SMCO4: variants seen among roughly 807,000 people sequenced by gnomAD.
The protein encoded by SMCO4 is single-pass membrane protein with coiled-coil domains 4, also known as single-pass membrane and coiled-coil domain-containing protein 4.
SMCO4 carries 4 observed loss-of-function variants against 3.6 expected under a neutral mutation model. That is an observed-to-expected ratio of 1.11 (90% confidence interval 0.54 to 2.53). The LOEUF (loss-of-function observed/expected upper bound fraction) is 2.53, where lower values mean the gene tolerates loss of function less well. Ranked by LOEUF, SMCO4 falls within the 30% of genes most tolerant of loss-of-function variation. SMCO4 has a pLI of 0.02. For synonymous variants in SMCO4, 36 were observed against 35.3 expected (o/e 1.02, Z -0.07); for missense variants, 70 against 80.8 (o/e 0.87, Z 0.51).
At chr11:93,522,187 A>G (rs1373032751) in intron 1 of SMCO4, among the ~76,000 whole-genome samples, 3 of 152,176 alleles carry the variant, frequency 2.0e-5, no homozygotes, top group Non-Finnish European at 2.9e-5. Flanking sequence ...ATCGCTGAAT[A>G]TGTCCTCAGG....
intron 1 of SMCO4, among the ~76,000 whole-genome samples, chr11:93,500,859 T>C (rs1591311499): frequency 6.6e-6 from 1 of 152,218 alleles, no homozygotes; most frequent in Admixed American, 6.5e-5. Flanking sequence ...GTTGGCTCAG[T>C]AGCTGCAGCA....
At chr11:93,513,139 C>T (rs1948974160) in intron 1 of SMCO4, among the ~76,000 whole-genome samples, 1 of 152,208 alleles carries the variant, frequency 6.6e-6, no homozygotes. Context: ...GGGGCTGGAA[C>T]ACTAATATTC....
At chr11:93,534,148 G>C (rs560566650) in intron 1 of SMCO4, among the ~76,000 whole-genome samples, 3 of 149,850 alleles carry the variant, frequency 2.0e-5, no homozygotes, top group Non-Finnish European at 4.4e-5. Context: ...CTAAGATCGC[G>C]GCACAGCACT....
At chr11:93,516,189 CA>C (rs1485154562) in intron 1 of SMCO4, among the ~76,000 whole-genome samples, 21 of 152,112 alleles carry the variant, frequency 1.4e-4, no homozygotes, top group African/African-American at 4.6e-4. Flanking sequence ...ACCAAGAACA[CA>C]GGAGACCAAG....
chr11:93,516,775 G>A (rs6483249), intron 1 of SMCO4, among the ~76,000 whole-genome samples: 18,223 of 151,468 alleles, frequency 0.12, 1,407 homozygotes, highest in Non-Finnish European at 0.17. Flanking sequence ...GGGTGACAAA[G>A]CAAGACTCTG....
intron 1 of SMCO4, among the ~76,000 whole-genome samples, chr11:93,519,994 A>G (rs1949043174): frequency 6.6e-6 from 1 of 152,216 alleles, no homozygotes; most frequent in African/African-American, 2.4e-5. Flanking sequence ...CATAAAATCA[A>G]GCAAAGAAAA....
chr11:93,526,573 CA>C (rs1470459802), intron 1 of SMCO4, among the ~76,000 whole-genome samples: 2 of 152,146 alleles, frequency 1.3e-5, no homozygotes, highest in African/African-American at 4.8e-5. Context: ...CTGCCAAAAA[CA>C]AAAATGAAAT....
At chr11:93,494,704 C>T (rs1195800611) in intron 2 of SMCO4, among the ~76,000 whole-genome samples, 1 of 152,200 alleles carries the variant, frequency 6.6e-6, no homozygotes, top group Non-Finnish European at 1.5e-5. Context: ...TTAAGTCTCA[C>T]ACCCATTAGA....
chr11:93,521,060 C>T (rs1239337401), intron 1 of SMCO4, among the ~76,000 whole-genome samples: 1 of 152,202 alleles, frequency 6.6e-6, no homozygotes, highest in Non-Finnish European at 1.5e-5. Flanking sequence ...ACCTGGCTTT[C>T]CTAAGAAATG....
At chr11:93,500,030 G>A (rs184408417) in intron 1 of SMCO4, among the ~76,000 whole-genome samples, 1 of 152,194 alleles carries the variant, frequency 6.6e-6, no homozygotes, top group Admixed American at 6.5e-5. Context: ...GAGTTCCCTT[G>A]AAAGTAAAAA....
chr11:93,513,957 G>A (rs1948981578), intron 1 of SMCO4, among the ~76,000 whole-genome samples: 1 of 152,102 alleles, frequency 6.6e-6, no homozygotes, highest in South Asian at 2.1e-4. Flanking sequence ...GAGTCCATTT[G>A]CCCATCTGTT....
chr11:93,495,609 G>A (rs1233739327), intron 2 of SMCO4, among the ~76,000 whole-genome samples: 5 of 152,100 alleles, frequency 3.3e-5, no homozygotes, highest in African/African-American at 1.2e-4. Flanking sequence ...CTAGAACCAA[G>A]TTTCATTCAA....
chr11:93,506,106 T>C (rs965594659), intron 1 of SMCO4, among the ~76,000 whole-genome samples: 1 of 152,028 alleles, frequency 6.6e-6, no homozygotes, highest in Non-Finnish European at 1.5e-5. Context: ...TAAATATGTG[T>C]GAATATGCAC....
chr11:93,504,879 T>G (rs1948884330), intron 1 of SMCO4, among the ~76,000 whole-genome samples: 1 of 152,134 alleles, frequency 6.6e-6, no homozygotes, highest in South Asian at 2.1e-4. Context: ...AGGAAATGCA[T>G]GTGAAATGAT....
At chr11:93,500,290 G>A (rs931869525) in intron 1 of SMCO4, among the ~76,000 whole-genome samples, 2 of 152,206 alleles carry the variant, frequency 1.3e-5, no homozygotes, top group Non-Finnish European at 2.9e-5. Context: ...TGGGCCAGAT[G>A]GTCTCAGATG....
intron 1 of SMCO4, among the ~76,000 whole-genome samples, chr11:93,515,190 G>C (rs1948997830): frequency 1.3e-5 from 2 of 152,132 alleles, no homozygotes; most frequent in African/African-American, 2.4e-5. Flanking sequence ...CAAATACACA[G>C]GTCAGGTCAA....
chr11:93,486,243 T>C (rs775433972), intron 2 of SMCO4, among the ~76,000 whole-genome samples: 3 of 152,164 alleles, frequency 2.0e-5, no homozygotes, highest in Admixed American at 6.5e-5. Flanking sequence ...AGAAAGTCAA[T>C]AGTGCAGCTG....
At chr11:93,508,434 T>G (rs1283740269) in intron 1 of SMCO4, among the ~76,000 whole-genome samples, 2 of 152,176 alleles carry the variant, frequency 1.3e-5, no homozygotes, top group Non-Finnish European at 2.9e-5. Context: ...GCGTTGAAGG[T>G]CCATTATTAC....
chr11:93,529,176 T>C (rs2134629367), intron 1 of SMCO4, among the ~76,000 whole-genome samples: 1 of 152,340 alleles, frequency 6.6e-6, no homozygotes, highest in African/African-American at 2.4e-5. Context: ...TAAAAGGCAG[T>C]TCCTCTAAGG....
Sources: allele counts gnomAD v4.1 joint callset (sites outside exome capture counted in the v4.1 genomes callset), GRCh38; gene constraint gnomAD v4.1.1; transcripts MANE v1.5; gene names NCBI Gene and HGNC (gene_info 2026-07-23, HGNC 2026-07-21).